Variants in HSD17B3 observed in about 807,000 individuals in gnomAD.
HSD17B3 encodes 17-beta-hydroxysteroid dehydrogenase type 3.
HSD17B3 carries 29 observed loss-of-function variants against 41.1 expected under a neutral mutation model. That is an observed-to-expected ratio of 0.71 (90% CI 0.53 to 0.96). The LOEUF is 0.96. Among genes scored for constraint, HSD17B3 ranks in the 40% least tolerant of loss-of-function variants. The probability of loss-of-function intolerance (pLI) is 0.00; values close to 1 mark genes in which losing one functional copy is unlikely to be tolerated. For missense variants in HSD17B3, 323 were observed against 374.6 expected, an observed-to-expected ratio of 0.86 and a Z score of 1.14; for synonymous variants, 126 against 145.6, an observed-to-expected ratio of 0.87 and a Z score of 0.97.
intron 4 of HSD17B3, 36 bp downstream of exon 4, chr9:96,252,767 T>A: frequency 9.5e-7 from 1 of 1,050,624 alleles, no homozygotes; most frequent in South Asian, 1.3e-5. Flanking sequence ...TTCACTGATG[T>A]ATGACAACAA....
rs1564048559 is a variant in HSD17B3 at position 96,272,437 on chromosome 9, AT to A, written c.202-17495del. On this transcript the variant is annotated intron_variant, in intron 2 of 10. Transcript: ENST00000375263. Reference sequence around the variant, plus strand: ...TATATATATATATATATATATATATATATATATATAAAATATATATGAATAT... The same window carrying A: ...TATATATATATATATATATATATATAATATATATAAAATATATATGAATAT... 1.2e-3 allele frequency among the ~76,000 whole-genome samples: 115 copies of A among 96,538 alleles called. 2 individuals are homozygous for A. The highest frequency in any genetic ancestry group is 1.8e-3 in the Non-Finnish European group (88 of 48,578). 63.3% of individuals were successfully genotyped at this position (96,538 alleles called of 152,430 possible).
chr9:96,300,256 A>G (rs886847526), intron 1 of HSD17B3, among the ~76,000 whole-genome samples: 17 of 150,586 alleles, frequency 1.1e-4, no homozygotes, highest in African/African-American at 2.7e-4. Context: ...ACACACACGC[A>G]CACAGCAAAT....
chr9:96,278,953 T>C (rs1161773851), intron 2 of HSD17B3, among the ~76,000 whole-genome samples: 4 of 152,212 alleles, frequency 2.6e-5, no homozygotes, highest in African/African-American at 9.7e-5. Flanking sequence ...GGCAGTCTAC[T>C]AAATGTCTTG....
At chr9:96,257,702 T>A (rs966498984) in intron 2 of HSD17B3, among the ~76,000 whole-genome samples, 7 of 152,220 alleles carry the variant, frequency 4.6e-5, no homozygotes, top group Non-Finnish European at 8.8e-5. Flanking sequence ...TGTTTTCAAG[T>A]TTTCCTATTA....
In HSD17B3 at chr9:96,301,944, C is replaced by A; in HGVS notation, c.154+7G>T. The A allele has an allele frequency of 6.2e-7, 1 of 1,613,824 alleles. No individual in the cohort carries two copies. The highest frequency in any genetic ancestry group is 8.5e-7 in the Non-Finnish European group (1 of 1,179,816). ...GCAAAAAAACATGAGATGGAACACT[C>A]CCTTACCTGCCCACTGTCCCATTGA... On this transcript the variant is annotated splice_region_variant and intron_variant, in intron 1 of 10. Coordinates refer to ENST00000375263, the MANE Select transcript of HSD17B3 (RefSeq NM_000197.2).
intron 2 of HSD17B3, among the ~76,000 whole-genome samples, chr9:96,263,474 T>C (rs915190121): frequency 2.0e-5 from 3 of 151,746 alleles, no homozygotes; most frequent in Non-Finnish European, 4.4e-5. Context: ...TCCCAGCACT[T>C]TGGGAGGCCG....
At chr9:96,236,883 AT>A (rs1308316610) in intron 10 of HSD17B3, among the ~76,000 whole-genome samples, 1 of 152,080 alleles carries the variant, frequency 6.6e-6, no homozygotes, top group Non-Finnish European at 1.5e-5. Context: ...CAATCCACCT[AT>A]TCCCTACAGA....
intron 2 of HSD17B3, among the ~76,000 whole-genome samples, chr9:96,286,702 C>CA (rs67992904): frequency 3.7e-4 from 54 of 145,524 alleles, no homozygotes; most frequent in East Asian, 1.0e-3. Context: ...AAAAAAAAAA[C>CA]AAAAAAAAAA....
At chr9:96,293,651 CTG>C (rs921042434) in intron 2 of HSD17B3, among the ~76,000 whole-genome samples, 2 of 149,952 alleles carry the variant, frequency 1.3e-5, no homozygotes, top group African/African-American at 5.0e-5. Context: ...GTCTGTGTGT[CTG>C]TGTGTGTATG....
At chr9:96,286,728 G>A (rs1175042141) in intron 2 of HSD17B3, among the ~76,000 whole-genome samples, 2 of 151,310 alleles carry the variant, frequency 1.3e-5, no homozygotes, top group African/African-American at 2.4e-5. Flanking sequence ...ATGGCAGGAT[G>A]ACAGTGACCT....
chr9:96,266,711 G>A (rs920765670), intron 2 of HSD17B3, among the ~76,000 whole-genome samples: 1 of 152,094 alleles, frequency 6.6e-6, no homozygotes, highest in Non-Finnish European at 1.5e-5. Context: ...ACTGAACCTG[G>A]GAGAGAGAAG....
At chr9:96,294,952 G>A (rs1481762144) in intron 2 of HSD17B3, among the ~76,000 whole-genome samples, 1 of 149,080 alleles carries the variant, frequency 6.7e-6, no homozygotes. Context: ...AAGGGTCAGT[G>A]TCAAAAAATC....
intron 2 of HSD17B3, among the ~76,000 whole-genome samples, chr9:96,274,976 C>T (rs1826392775): frequency 6.6e-6 from 1 of 151,694 alleles, no homozygotes. Flanking sequence ...AATTTAAGGA[C>T]AAAGAGAGCA....
At chr9:96,256,887 G>T (rs964867605) in intron 2 of HSD17B3, among the ~76,000 whole-genome samples, 3 of 152,024 alleles carry the variant, frequency 2.0e-5, no homozygotes, top group Non-Finnish European at 4.4e-5. Flanking sequence ...TGGAGGTGGG[G>T]CCTGATGGGA....
intron 1 of HSD17B3, among the ~76,000 whole-genome samples, chr9:96,300,838 T>C (rs1827570342): frequency 6.6e-6 from 1 of 152,218 alleles, no homozygotes; most frequent in African/African-American, 2.4e-5. Context: ...CATACCATCC[T>C]GAAAACATGG....
chr9:96,242,523 A>C (rs1450438551), intron 9 of HSD17B3, among the ~76,000 whole-genome samples: 1 of 151,900 alleles, frequency 6.6e-6, no homozygotes, highest in Admixed American at 6.6e-5. Flanking sequence ...TTCAAACCCA[A>C]CTCCACAGTA....
intron 2 of HSD17B3, among the ~76,000 whole-genome samples, chr9:96,275,017 C>T (rs949815137): frequency 1.3e-5 from 2 of 151,886 alleles, no homozygotes; most frequent in African/African-American, 4.8e-5. Context: ...AAGTTGGAAC[C>T]CCCTACTAGC....
At chr9:96,297,130 T>C (rs924629926) in intron 2 of HSD17B3, among the ~76,000 whole-genome samples, 1 of 152,028 alleles carries the variant, frequency 6.6e-6, no homozygotes, top group Non-Finnish European at 1.5e-5. Flanking sequence ...TGAGATAAAT[T>C]TAGGAGAAAC....
At chr9:96,288,168 G>A (rs1463840690) in intron 2 of HSD17B3, among the ~76,000 whole-genome samples, 2 of 152,198 alleles carry the variant, frequency 1.3e-5, no homozygotes, top group African/African-American at 2.4e-5. Context: ...GATCTTACTC[G>A]AGTGATGGAA....
Sources: allele counts gnomAD v4.1 joint callset (sites outside exome capture counted in the v4.1 genomes callset), GRCh38; gene constraint gnomAD v4.1.1; transcripts MANE v1.5; gene names NCBI Gene and HGNC (gene_info 2026-07-23, HGNC 2026-07-21).